CLOCK: variants seen among roughly 807,000 people sequenced by gnomAD.
The protein encoded by CLOCK is clock circadian regulator.
A neutral mutation model predicts 118.4 loss-of-function variants in CLOCK; 43 were observed. That is an observed-to-expected ratio of 0.36 (90% CI 0.28 to 0.47). CLOCK has a LOEUF of 0.47. CLOCK is among the 20% of genes least tolerant of loss of function. The pLI is 1.00. For missense variants in CLOCK, 846 were observed against 999.9 expected, an observed-to-expected ratio of 0.85 and a Z score of 2.08; for synonymous variants, 326 against 339.2, an observed-to-expected ratio of 0.96 and a Z score of 0.43.
chr4:55,529,400 T>G lies in CLOCK; in HGVS notation c.-290+17382A>C, dbSNP rs550887251. Among the ~76,000 whole-genome samples, 7 of 152,118 alleles carry G rather than the reference T, an allele frequency of 4.6e-5. No homozygotes were observed. In the East Asian group the frequency reaches 5.8e-4, roughly 13 times the overall value. On this transcript the variant is annotated intron_variant, in intron 1 of 22. Transcript: ENST00000513440. The stretch of plus-strand genomic sequence containing the variant: ...GTCTCAAACTCCTAGCTTCAAGCAA[T>G]CCTCCCACCTTAGCCTCCCAAAGTA...
chr4:55,478,708 T>C (rs1225094406), intron 6 of CLOCK, 107 bp downstream of exon 6: 2 of 1,085,026 alleles, frequency 1.8e-6, no homozygotes, highest in Non-Finnish European at 2.8e-6. Flanking sequence ...TGCAATTGAT[T>C]TCTCTCTCTT....
intron 2 of CLOCK, among the ~76,000 whole-genome samples, chr4:55,504,201 A>G (rs13127906): frequency 0.33 from 49,188 of 146,868 alleles, 8,858 homozygotes; most frequent in East Asian, 0.57. Context: ...CAGGAGAATC[A>G]CGTGAACCCG....
chr4:55,447,863 A>T (rs994616382), intron 18 of CLOCK, among the ~76,000 whole-genome samples: 1 of 152,226 alleles, frequency 6.6e-6, no homozygotes, highest in African/African-American at 2.4e-5. Context: ...AACAAAACAG[A>T]AAAGTTGAAG....
At chr4:55,442,091 T>G (rs541587009) in intron 21 of CLOCK, among the ~76,000 whole-genome samples, 1 of 152,300 alleles carries the variant, frequency 6.6e-6, no homozygotes, top group East Asian at 1.9e-4. Context: ...TAACCACTGT[T>G]ACTACATGGA....
chr4:55,438,670 C>G, intron 21 of CLOCK, 133 bp from the exon 22 acceptor site: 1 of 1,320,042 alleles, frequency 7.6e-7, no homozygotes, highest in Non-Finnish European at 1.0e-6. Context: ...TCTGTATATT[C>G]CTACTTTGTT....
rs572358904 is a variant in CLOCK at position 55,462,376 on chromosome 4, T to TC, written c.559+1308dup. Among the ~76,000 whole-genome samples the TC allele has an allele frequency of 3.6e-4, 55 of 152,304 alleles. No individual in the cohort carries two copies. The East Asian group carries it at 8.9e-3, about 25-fold the overall frequency. On this transcript the variant is annotated intron_variant, in intron 9 of 22. Transcript: ENST00000513440. The stretch of plus-strand genomic sequence containing the variant: ...ATCTTGACTCATTGCAAACTCAGCC[T>TC]CCGGGGTTCAAGCAATTATCCTACC...
intron 1 of CLOCK, among the ~76,000 whole-genome samples, chr4:55,531,901 T>A (rs1365353659): frequency 2.1e-5 from 3 of 145,710 alleles, no homozygotes; most frequent in Non-Finnish European, 3.0e-5. Flanking sequence ...TTTTAAATGT[T>A]AAAAAAAACA....
At chr4:55,459,819 T>C (rs1725199749) in intron 9 of CLOCK, among the ~76,000 whole-genome samples, 1 of 152,092 alleles carries the variant, frequency 6.6e-6, no homozygotes. Context: ...TGAGCCACCA[T>C]GCCTGGCTAA....
Position 55,452,848 on chromosome 4 carries a change from G to C in CLOCK, c.1206+206C>G, listed in dbSNP as rs1206801580. 1.1e-5 allele frequency: 5 copies of C among 463,042 alleles called. No individual in the cohort carries two copies. The East Asian group carries it at 1.5e-4, about 14-fold the overall frequency. 28.7% of individuals were successfully genotyped at this position (463,042 alleles called of 1,614,324 possible). ...GGAATAAATGGTAGTTTTGAGATCAGACACATCTCTCATCCAATTTTCTTT... is the reference window on the plus strand; with the variant it reads ...GGAATAAATGGTAGTTTTGAGATCACACACATCTCTCATCCAATTTTCTTT... On this transcript the variant is annotated intron_variant, in intron 15 of 22. Transcript: ENST00000513440.
chr4:55,484,100 G>A (rs1243361608), intron 3 of CLOCK, among the ~76,000 whole-genome samples: 1 of 152,216 alleles, frequency 6.6e-6, no homozygotes, highest in Non-Finnish European at 1.5e-5. Flanking sequence ...GCACCTTCAT[G>A]AAAGGAAAGG....
At chr4:55,519,476 G>A (rs1729722626) in intron 1 of CLOCK, among the ~76,000 whole-genome samples, 1 of 152,120 alleles carries the variant, frequency 6.6e-6, no homozygotes, top group South Asian at 2.1e-4. Flanking sequence ...AGTCATAGTA[G>A]AGGCAGATCT....
At chr4:55,539,155 A>G (rs1213281349) in intron 1 of CLOCK, among the ~76,000 whole-genome samples, 2 of 152,150 alleles carry the variant, frequency 1.3e-5, no homozygotes, top group South Asian at 2.1e-4. Context: ...GAATCATTTG[A>G]ACCCAGGAGG....
At chr4:55,475,277 C>T (rs892180825) in intron 7 of CLOCK, among the ~76,000 whole-genome samples, 1 of 152,168 alleles carries the variant, frequency 6.6e-6, no homozygotes, top group Non-Finnish European at 1.5e-5. Flanking sequence ...GAAGATGTGA[C>T]TGATTGCTGC....
At chr4:55,498,166 C>T (rs1014427571) in intron 2 of CLOCK, among the ~76,000 whole-genome samples, 5 of 152,096 alleles carry the variant, frequency 3.3e-5, no homozygotes, top group African/African-American at 7.2e-5. Context: ...ATATTATGTA[C>T]TACATCTATG....
chr4:55,482,990 C>T (rs531839056), intron 3 of CLOCK, among the ~76,000 whole-genome samples, 162 bp from the exon 4 acceptor site: 2 of 152,216 alleles, frequency 1.3e-5, no homozygotes, highest in East Asian at 1.9e-4. Flanking sequence ...GGCTGAGGTA[C>T]ATTTGAGGCT....
chr4:55,518,096 T>C (rs1037929581), intron 1 of CLOCK, among the ~76,000 whole-genome samples: 10 of 152,162 alleles, frequency 6.6e-5, no homozygotes, highest in African/African-American at 2.2e-4. Context: ...CTATGAGTTG[T>C]GGTCATAGAA....
chr4:55,525,061 T>G (rs1397941915), intron 1 of CLOCK, among the ~76,000 whole-genome samples: 1 of 152,206 alleles, frequency 6.6e-6, no homozygotes, highest in Admixed American at 6.5e-5. Context: ...TAATTTGTTA[T>G]GAATGAAATG....
At position 55,472,823 on chromosome 4, in the gene CLOCK, C is replaced by T. The variant is rs1209146821; in HGVS notation, c.349-2017G>A. Among the ~76,000 whole-genome samples, 5 of 151,932 alleles carry T rather than the reference C, an allele frequency of 3.3e-5. No homozygotes were observed. In the East Asian group the frequency reaches 9.7e-4, roughly 29 times the overall value. On this transcript the variant is annotated intron_variant, in intron 7 of 22. Transcript: ENST00000513440. Reference sequence around the variant, plus strand: ...ATCTTCTAGAATGGCTCAAACAAACCCAGTCTTTGCTAATATAGAAGTAGA... The same window carrying T: ...ATCTTCTAGAATGGCTCAAACAAACTCAGTCTTTGCTAATATAGAAGTAGA...
At chr4:55,456,131 TA>T (rs1219956865) in intron 12 of CLOCK, 86 bp downstream of exon 12, 43 of 1,327,886 alleles carry the variant, frequency 3.2e-5, no homozygotes, top group Non-Finnish European at 4.1e-5. Flanking sequence ...AGTCCTAATT[TA>T]AAAAAAAGTT....
Sources: allele counts gnomAD v4.1 joint callset (sites outside exome capture counted in the v4.1 genomes callset), GRCh38; gene constraint gnomAD v4.1.1; transcripts MANE v1.5; gene names NCBI Gene and HGNC (gene_info 2026-07-23, HGNC 2026-07-21).